Variants in FARP1 observed in about 807,000 individuals in gnomAD.
FARP1 encodes the protein FERM, ARH/RhoGEF and pleckstrin domain protein 1.
FARP1 carries 52 observed loss-of-function variants against 128.8 expected under a neutral mutation model. The observed-to-expected ratio is 0.40, with a 90% CI of 0.32 to 0.51. FARP1 has a LOEUF of 0.51. FARP1 is among the 20% of genes least tolerant of loss of function. FARP1 has a pLI of 0.45. For missense variants in FARP1, 1,333 were observed against 1,367.9 expected, an observed-to-expected ratio of 0.97 and a Z score of 0.40; for synonymous variants, 580 against 551.8, an observed-to-expected ratio of 1.05 and a Z score of -0.72.
In FARP1 at chr13:98,385,853, C is replaced by T. The variant is rs552763595; in HGVS notation, c.759+39C>T. On this transcript the variant is annotated intron_variant, in intron 8 of 26. Coordinates refer to ENST00000319562, the MANE Select transcript of FARP1 (RefSeq NM_005766.4). ...GAACACGGCCTGGTTCCCTTGGTGA[C>T]AGAGAGAGAAGAGCTGGCCCTTCAA... 5 of 1,605,892 alleles carry T rather than the reference C, an allele frequency of 3.1e-6. No individual in the cohort carries two copies. In the African/African-American group the frequency reaches 6.7e-5, roughly 21 times the overall value.
rs751879729 is a variant in FARP1, at chr13:98,377,831, G to A, written c.409G>A (p.Ala137Thr). 22 of 1,613,696 alleles carry A rather than the reference G, an allele frequency of 1.4e-5. No individual in the cohort carries two copies. The highest frequency in any genetic ancestry group is 4.5e-5 in the East Asian group (2 of 44,878). Reference protein sequence around the residue: ...LQEELTRYLFALQVKQDLAQG... With the variant: ...LQEELTRYLFTLQVKQDLAQG... ...TGTTGATCTTCGCAGGTACCTGTTC[G>A]CGCTGCAGGTGAAGCAGGACTTGGC... is the stretch of plus-strand genomic sequence containing the variant. The change falls in exon 6 of 27, where the codon GCG (alanine) becomes ACG (threonine). Residue 137 changes from alanine (A) to threonine (T), a missense_variant. Physicochemically the swap from Ala to Thr is moderately conservative, Grantham distance 58. Around this residue, in one of 2 missense-constraint regions of FARP1, gnomAD observed 324 missense variants for 398.1 expected, o/e 0.81. Transcript: ENST00000319562.
chr13:98,152,672 G>A (rs1876096601), intron 1 of FARP1, among the ~76,000 whole-genome samples: 1 of 152,190 alleles, frequency 6.6e-6, no homozygotes, highest in Non-Finnish European at 1.5e-5. Flanking sequence ...GCCATCTAAA[G>A]CATCATGACT....
intron 2 of FARP1, among the ~76,000 whole-genome samples, chr13:98,305,260 G>T (rs1886094782): frequency 6.6e-6 from 1 of 151,928 alleles, no homozygotes; most frequent in Non-Finnish European, 1.5e-5. Flanking sequence ...GGGTACTCAT[G>T]CATTTAGATC....
chr13:98,365,339 A>C, intron 3 of FARP1, 56 bp from the exon 4 acceptor site: 1 of 1,326,636 alleles, frequency 7.5e-7, no homozygotes, highest in Non-Finnish European at 1.1e-6. Context: ...ATCTCAAAAT[A>C]CTTGCACTCT....
At chr13:98,409,626 C>G in intron 14 of FARP1, 101 bp downstream of exon 14, 2 of 1,065,554 alleles carry the variant, frequency 1.9e-6, no homozygotes, top group South Asian at 4.2e-5. Flanking sequence ...GCAAAGGTAC[C>G]ATGTGAGCCA....
intron 2 of FARP1, chr13:98,234,321 A>T (rs1380156006): frequency 1.3e-5 from 2 of 152,204 alleles, no homozygotes; most frequent in Non-Finnish European, 1.5e-5. Context: ...CCTTAAGGCA[A>T]GTAGGGTATA....
At chr13:98,247,943 A>G (rs1412851192) in intron 2 of FARP1, among the ~76,000 whole-genome samples, 2 of 152,238 alleles carry the variant, frequency 1.3e-5, no homozygotes, top group Non-Finnish European at 2.9e-5. Flanking sequence ...TATGATAAGA[A>G]TAAACCAGTT....
At chr13:98,222,794 ATTTTTTTTTTT>A (rs34198874) in intron 2 of FARP1, among the ~76,000 whole-genome samples, 3 of 124,800 alleles carry the variant, frequency 2.4e-5, no homozygotes, top group Non-Finnish European at 4.9e-5. Context: ...TGCCCAGCTA[ATTTTTTTTTTT>A]TTTTTTTTTT....
intron 2 of FARP1, among the ~76,000 whole-genome samples, chr13:98,312,794 T>C (rs1211017399): frequency 6.6e-6 from 1 of 152,162 alleles, no homozygotes; most frequent in Non-Finnish European, 1.5e-5. Flanking sequence ...TGAGTCACTA[T>C]AGAGGCCGTG....
intron 2 of FARP1, among the ~76,000 whole-genome samples, chr13:98,316,436 G>T (rs1210423924): frequency 6.6e-6 from 1 of 152,202 alleles, no homozygotes; most frequent in Non-Finnish European, 1.5e-5. Context: ...AGAGGTTAAA[G>T]AACTTGTTCC....
intron 2 of FARP1, among the ~76,000 whole-genome samples, chr13:98,223,586 A>G (rs1028373902): frequency 3.3e-5 from 5 of 152,188 alleles, no homozygotes; most frequent in African/African-American, 1.2e-4. Flanking sequence ...TCGGCCTCCC[A>G]AAGTCCTGGA....
At chr13:98,376,669 A>G (rs1183626214) in intron 5 of FARP1, among the ~76,000 whole-genome samples, 1 of 145,206 alleles carries the variant, frequency 6.9e-6, no homozygotes, top group Non-Finnish European at 1.5e-5. Flanking sequence ...TGGTAGCTCT[A>G]TTTTTAGTTT....
At chr13:98,363,943 C>T (rs535842112) in intron 3 of FARP1, among the ~76,000 whole-genome samples, 65 of 152,180 alleles carry the variant, frequency 4.3e-4, no homozygotes, top group Admixed American at 6.5e-4. Flanking sequence ...GGTTTCACCA[C>T]GTTGGCTAGG....
intron 1 of FARP1, among the ~76,000 whole-genome samples, chr13:98,160,399 C>T (rs1055856998): frequency 3.4e-4 from 51 of 152,146 alleles, no homozygotes; most frequent in Middle Eastern, 3.4e-3. Flanking sequence ...CTACACAGAT[C>T]GTAAGGATAG....
At chr13:98,336,493 A>C (rs1395366162) in intron 2 of FARP1, among the ~76,000 whole-genome samples, 1 of 152,148 alleles carries the variant, frequency 6.6e-6, no homozygotes, top group Non-Finnish European at 1.5e-5. Flanking sequence ...ACTGGTCTCG[A>C]ACTCCTGACC....
chr13:98,185,295 T>A (rs1252134830), intron 1 of FARP1, among the ~76,000 whole-genome samples: 2 of 152,284 alleles, frequency 1.3e-5, no homozygotes, highest in African/African-American at 4.8e-5. Flanking sequence ...AAAAGCAGTA[T>A]ACCGCTGGAA....
intron 3 of FARP1, among the ~76,000 whole-genome samples, chr13:98,360,053 A>G (rs1888801657): frequency 1.4e-5 from 2 of 148,116 alleles, no homozygotes; most frequent in African/African-American, 2.5e-5. Flanking sequence ...CTAACCCTGA[A>G]TTCCTCAGAA....
At chr13:98,317,612 A>G (rs1886777838) in intron 2 of FARP1, among the ~76,000 whole-genome samples, 1 of 150,592 alleles carries the variant, frequency 6.6e-6, no homozygotes, top group Admixed American at 6.7e-5. Flanking sequence ...ATGGGGTTTG[A>G]GTTTTTAATT....
At chr13:98,360,588 C>T (rs1428534038) in intron 3 of FARP1, among the ~76,000 whole-genome samples, 1 of 152,218 alleles carries the variant, frequency 6.6e-6, no homozygotes, top group Non-Finnish European at 1.5e-5. Context: ...CACCTGCAGC[C>T]TCCAGAATGG....
Sources: allele counts gnomAD v4.1 joint callset (sites outside exome capture counted in the v4.1 genomes callset), GRCh38; gene constraint gnomAD v4.1.1; regional missense constraint gnomAD v4.1.1; transcripts MANE v1.5; gene names NCBI Gene and HGNC (gene_info 2026-07-23, HGNC 2026-07-21).